The following UNC13C variants were observed in gnomAD, a reference collection of about 807,000 sequenced individuals.
UNC13C encodes the protein protein unc-13 homolog C.
Under a neutral mutation model 245.4 loss-of-function variants are expected in UNC13C, and 174 were observed. That is an observed-to-expected ratio of 0.71 (90% confidence interval 0.63 to 0.80). The LOEUF is 0.80. UNC13C is among the 30% of genes least tolerant of loss of function. The pLI, the probability that UNC13C is intolerant of heterozygous loss-of-function variation, is 0.00. For missense variants in UNC13C, 2,829 were observed against 2,602.9 expected (o/e 1.09, Z -1.89); for synonymous variants, 992 against 895.1 (o/e 1.11, Z -1.93).
intron 4 of UNC13C, among the ~76,000 whole-genome samples, chr15:54,208,122 GA>G (rs1036011175): frequency 5.9e-5 from 9 of 152,094 alleles, no homozygotes; most frequent in African/African-American, 2.2e-4. Context: ...GAGCCAGCAT[GA>G]CACATGGTGA....
At chr15:54,350,078 G>C (rs772094080) in intron 17 of UNC13C, among the ~76,000 whole-genome samples, 1 of 151,744 alleles carries the variant, frequency 6.6e-6, no homozygotes, top group East Asian at 1.9e-4. Flanking sequence ...TGCAAGCTCC[G>C]CCTCCTGGCT....
chr15:54,167,500 C>CAAA (rs67762910), intron 4 of UNC13C, among the ~76,000 whole-genome samples: 18 of 90,646 alleles, frequency 2.0e-4, no homozygotes, highest in African/African-American at 6.9e-4. Flanking sequence ...ACACTCGTCT[C>CAAA]AAAAAAAAAA....
At chr15:54,308,502 G>A (rs192713418) in intron 13 of UNC13C, among the ~76,000 whole-genome samples, 48 of 151,860 alleles carry the variant, frequency 3.2e-4, no homozygotes, top group Admixed American at 3.0e-3. Flanking sequence ...AGTTATTTGT[G>A]TCATGAGTAC....
intron 2 of UNC13C, among the ~76,000 whole-genome samples, chr15:54,035,803 A>G (rs987550899): frequency 6.6e-5 from 10 of 152,144 alleles, no homozygotes; most frequent in Admixed American, 3.3e-4. Flanking sequence ...AAAATTCCAA[A>G]AAGCCGAGCC....
chr15:54,259,931 G>T (rs34057643), intron 8 of UNC13C, among the ~76,000 whole-genome samples: 40,609 of 148,868 alleles, frequency 0.27, 5,679 homozygotes, highest in African/African-American at 0.33. Flanking sequence ...TATTCCTGTG[G>T]TTTTTTTTTT....
intron 2 of UNC13C, among the ~76,000 whole-genome samples, chr15:54,101,463 T>C (rs1348407693): frequency 2.0e-5 from 3 of 152,196 alleles, no homozygotes; most frequent in African/African-American, 4.8e-5. Context: ...AAGAACCTAG[T>C]TTTTTACTAA....
intron 11 of UNC13C, among the ~76,000 whole-genome samples, chr15:54,296,380 T>A (rs764999262): frequency 0.024 from 2,037 of 83,596 alleles, 29 homozygotes; most frequent in Admixed American, 0.031. Context: ...TTTTTTTTTT[T>A]TTATTTTTTT....
chr15:54,005,744 T>C (rs1895106233), intron 1 of UNC13C, among the ~76,000 whole-genome samples: 1 of 152,048 alleles, frequency 6.6e-6, no homozygotes, highest in East Asian at 1.9e-4. Context: ...TTGGAACAGA[T>C]TAGGTGGAGG....
intron 1 of UNC13C, among the ~76,000 whole-genome samples, chr15:53,997,431 G>A (rs1390780876): frequency 6.6e-6 from 1 of 151,912 alleles, no homozygotes; most frequent in Non-Finnish European, 1.5e-5. Flanking sequence ...TCAAATTTCT[G>A]TTTTATATTT....
the UNC13C span, among the ~76,000 whole-genome samples, chr15:53,938,679 A>G: frequency 6.6e-6 from 1 of 152,156 alleles, no homozygotes; most frequent in Non-Finnish European, 1.5e-5. Flanking sequence ...CACAATCAAA[A>G]TAGAACTCCA....
chr15:54,318,002 T>C (rs192887111), intron 13 of UNC13C, among the ~76,000 whole-genome samples: 100 of 152,106 alleles, frequency 6.6e-4, no homozygotes, highest in Middle Eastern at 3.4e-3. Context: ...TGTCTTTCTG[T>C]GTCTGGCTTA....
At chr15:54,452,450 G>T (rs1230163797) in intron 19 of UNC13C, among the ~76,000 whole-genome samples, 1 of 152,166 alleles carries the variant, frequency 6.6e-6, no homozygotes, top group East Asian at 1.9e-4. Flanking sequence ...GTGTATAGGG[G>T]TGGGTACCTA....
At chr15:54,267,041 C>T (rs548978125) in intron 10 of UNC13C, among the ~76,000 whole-genome samples, 2 of 152,096 alleles carry the variant, frequency 1.3e-5, no homozygotes, top group Non-Finnish European at 2.9e-5. Context: ...GTTTATTTTA[C>T]TATTCACCTC....
chr15:53,961,391 T>G, the UNC13C span, among the ~76,000 whole-genome samples: 1 of 152,236 alleles, frequency 6.6e-6, no homozygotes, highest in African/African-American at 2.4e-5. Flanking sequence ...TTCTAGATCT[T>G]TTGTCTGAAA....
chr15:54,436,178 ACTC>A (rs1457103822), intron 19 of UNC13C, among the ~76,000 whole-genome samples: 23 of 152,120 alleles, frequency 1.5e-4, no homozygotes, highest in African/African-American at 5.1e-4. Flanking sequence ...CAGTGTGGCT[ACTC>A]CTCAAGGATC....
chr15:54,307,178 A>G (rs2037748448), intron 13 of UNC13C, among the ~76,000 whole-genome samples: 1 of 150,238 alleles, frequency 6.7e-6, no homozygotes. Flanking sequence ...TGAGTGGCTT[A>G]TAAACAACAG....
chr15:54,234,150 A>G (rs192743026), intron 4 of UNC13C, among the ~76,000 whole-genome samples: 57 of 152,110 alleles, frequency 3.7e-4, no homozygotes, highest in African/African-American at 1.4e-3. Context: ...CACAGAGGTA[A>G]CTACAGTTAT....
chr15:54,012,995 A>G lies in UNC13C; in HGVS notation c.92A>G (p.Lys31Arg). Residue 31 changes from lysine to arginine, a missense_variant, in exon 2 of 33, where the codon AAA becomes AGA. Lys to Arg is a conservative substitution (Grantham distance 26). Transcript: ENST00000260323. The part of the protein sequence containing the change: ...MFTKKLGNTN[K>R]NKEYRQQKKD... ...ACAAAGAAATTGGGAAATACAAACAAAAACAAAGAGTATCGTCAGCAGAAA... is the reference window on the plus strand; with the variant it reads ...ACAAAGAAATTGGGAAATACAAACAGAAACAAAGAGTATCGTCAGCAGAAA... The G allele has an allele frequency of 6.2e-7, 1 of 1,613,910 alleles. No individual in the cohort carries two copies. The highest frequency in any genetic ancestry group is 8.5e-7 in the Non-Finnish European group (1 of 1,179,834).
intron 30 of UNC13C, among the ~76,000 whole-genome samples, chr15:54,571,902 G>A (rs890240616): frequency 9.9e-5 from 15 of 152,228 alleles, no homozygotes; most frequent in African/African-American, 3.1e-4. Flanking sequence ...CAGCACTCCA[G>A]AGTTTCCCTA....
Sources: gnomAD v4.1 joint callset for allele counts (sites outside exome capture counted in the v4.1 genomes callset) on GRCh38, gnomAD v4.1.1 for gene constraint, MANE v1.5 for transcripts, NCBI Gene and HGNC (gene_info 2026-07-23, HGNC 2026-07-21) for gene names.